The following PTX3 variants were observed in gnomAD, a reference collection of about 807,000 sequenced individuals.
The protein encoded by PTX3 is pentraxin 3.
Under a neutral mutation model 23.5 loss-of-function variants are expected in PTX3, and 24 were observed. The observed-to-expected ratio is 1.02, with a 90% CI of 0.74 to 1.43. PTX3 has a LOEUF of 1.43. Among genes scored for constraint, PTX3 ranks in the 40% most tolerant of loss-of-function variants. PTX3 has a pLI of 0.00. For synonymous variants in PTX3, 218 were observed against 205.4 expected (o/e 1.06, Z -0.53); for missense variants, 510 against 497.5 (o/e 1.02, Z -0.24).
At chr3:157,437,424 T>C in intron 1 of PTX3, 89 bp from the exon 2 acceptor site, 1 of 1,489,110 alleles carries the variant, frequency 6.7e-7, no homozygotes, top group South Asian at 1.2e-5. Flanking sequence ...GGGCTGCAAC[T>C]TGGCACCACC....
chr3:157,442,453 T>G lies in PTX3; in HGVS notation c.620T>G (p.Phe207Cys). ...GTGAGACCAATGAGGCTTGAGTCTT[T>G]TAGTGCCTGCATTTGGGTCAAAGCC... The part of the protein sequence containing the change: ...HPVRPMRLES[F>C]SACIWVKATD... The change falls in exon 3 of 3, where the codon TTT becomes TGT. Residue 207 changes from phenylalanine to cysteine, a missense_variant. Phe to Cys is a radical substitution (Grantham distance 205, BLOSUM62 -2). Transcript: ENST00000295927. 1 of 1,614,210 alleles carries G rather than the reference T, an allele frequency of 6.2e-7. No individual in the cohort carries two copies. The highest frequency in any genetic ancestry group is 8.5e-7 in the Non-Finnish European group (1 of 1,180,034).
rs1734254997 is a variant in PTX3 at position 157,442,937 on chromosome 3, C to T, written c.1104C>T (p.Val368=). 1 of 1,613,522 alleles carries T rather than the reference C, an allele frequency of 6.2e-7. No homozygotes were observed. Among genetic ancestry groups the T allele is most frequent in the Non-Finnish European group, 8.5e-7 (1 of 1,179,722 alleles). ...GGGGGAATATTGTTGGGTGGGGAGT[C>T]ACAGAGATCCAGCCACATGGAGGAG... ...HIRGNIVGWG[V]TEIQPHGGAQ... Residue 368 remains valine (V), a synonymous_variant, in exon 3 of 3, where the codon GTC becomes GTT. Coordinates refer to ENST00000295927, the MANE Select transcript of PTX3 (RefSeq NM_002852.4).
intron 2 of PTX3, 107 bp from the exon 3 acceptor site, chr3:157,442,259 T>C (rs2109238588): frequency 2.8e-6 from 3 of 1,064,240 alleles, no homozygotes; most frequent in Admixed American, 2.8e-5. Flanking sequence ...TTCACATAGC[T>C]TTCAATTGTA....
At chr3:157,440,657 T>TAA (rs1298586571) in intron 2 of PTX3, among the ~76,000 whole-genome samples, 1 of 152,052 alleles carries the variant, frequency 6.6e-6, no homozygotes, top group African/African-American at 2.4e-5. Flanking sequence ...CATATGTATA[T>TAA]ATGTGTGTAT....
intron 2 of PTX3, among the ~76,000 whole-genome samples, chr3:157,440,879 T>C (rs1734064918): frequency 6.6e-6 from 1 of 152,150 alleles, no homozygotes. Context: ...AGAAACATGT[T>C]CTCCAACCAG....
At position 157,437,029 on chromosome 3, in the gene PTX3, C is replaced by T. The variant is rs1195234969; in HGVS notation, c.96C>T (p.Asn32=). The change falls in exon 1 of 3, where the codon AAC becomes AAT. Residue 32 remains asparagine, a synonymous_variant. Transcript: ENST00000295927. ...ATCTCATGTATGTGAATTTGGACAA[C>T]GAAATAGACAATGGACTCCATCCCA... ...DYDLMYVNLD[N]EIDNGLHPTE... 5 of 1,614,024 alleles carry T rather than the reference C, an allele frequency of 3.1e-6. No homozygotes were observed. The South Asian group carries it at 5.5e-5, about 18-fold the overall frequency.
intron 2 of PTX3, among the ~76,000 whole-genome samples, chr3:157,438,954 G>A (rs1382021623): frequency 6.6e-6 from 1 of 152,178 alleles, no homozygotes; most frequent in African/African-American, 2.4e-5. Context: ...TTGCTGGATG[G>A]GGAGGGGGAA....
chr3:157,442,360 C>T lies in PTX3; in HGVS notation c.533-6C>T. 1 of 1,598,062 alleles carries T rather than the reference C, an allele frequency of 6.3e-7. No homozygotes were observed. Among genetic ancestry groups the T allele is most frequent in the East Asian group, 2.2e-5 (1 of 44,640 alleles). On this transcript the variant is annotated splice_region_variant and splice_polypyrimidine_tract_variant and intron_variant, in intron 2 of 2. Coordinates refer to ENST00000295927, the MANE Select transcript of PTX3 (RefSeq NM_002852.4). ...TAATATTCTTCTTATTTTCTTGCTA[C>T]TCTAGGTTGTGAAACAGCTATTTTA...
chr3:157,436,899 G>A lies in PTX3; in HGVS notation c.-35G>A, dbSNP rs1194391499. On this transcript the variant is annotated 5_prime_UTR_variant, in exon 1 of 3. Transcript: ENST00000295927. ...TCAGCTCACTTGAGAGTCTCCTCCC[G>A]CCAGCTGTGGAAAGAACTTTGCGTC... 46 of 1,604,830 alleles carry A rather than the reference G, an allele frequency of 2.9e-5. No homozygotes were observed. The highest frequency in any genetic ancestry group is 3.6e-5 in the Non-Finnish European group (42 of 1,174,342).
At chr3:157,440,155 C>A (rs1268264240) in intron 2 of PTX3, among the ~76,000 whole-genome samples, 1 of 152,102 alleles carries the variant, frequency 6.6e-6, no homozygotes, top group Non-Finnish European at 1.5e-5. Context: ...ATGTACCTAG[C>A]AATTTCATTT....
At chr3:157,438,813 T>A (rs1021022522) in intron 2 of PTX3, among the ~76,000 whole-genome samples, 6 of 152,234 alleles carry the variant, frequency 3.9e-5, no homozygotes, top group African/African-American at 1.4e-4. Context: ...CTCCTTTGTA[T>A]GCCAAAACTT....
At chr3:157,437,158 G>A (rs969114503) in intron 1 of PTX3, 95 bp downstream of exon 1, 17 of 1,494,872 alleles carry the variant, frequency 1.1e-5, no homozygotes, top group African/African-American at 1.4e-5. Flanking sequence ...AGTGAGACAA[G>A]TTAAAAATTT....
chr3:157,442,356 G>T lies in PTX3; in HGVS notation c.533-10G>T. 6.4e-7 allele frequency: 1 copy of T among 1,556,402 alleles called. No individual in the cohort carries two copies. On this transcript the variant is annotated splice_polypyrimidine_tract_variant and intron_variant, in intron 2 of 2. Transcript: ENST00000295927. ...TCTTTAATATTCTTCTTATTTTCTT[G>T]CTACTCTAGGTTGTGAAACAGCTAT... is the stretch of plus-strand genomic sequence containing the variant.
Position 157,443,288 on chromosome 3 carries a change from T to A in PTX3, c.*309T>A. On this transcript the variant is annotated 3_prime_UTR_variant, in exon 3 of 3. Transcript: ENST00000295927. Reference sequence around the variant, plus strand: ...GTATTGTTGAACAGAGGGACAATTGTTTTACTTTTCTTTGGTTAATTTTGT... The same window carrying A: ...GTATTGTTGAACAGAGGGACAATTGATTTACTTTTCTTTGGTTAATTTTGT... 4.0e-6 allele frequency: 1 copy of A among 248,016 alleles called. No individual in the cohort carries two copies. The highest frequency in any genetic ancestry group is 7.8e-6 in the Non-Finnish European group (1 of 129,014). 15.4% of individuals were successfully genotyped at this position (248,016 alleles called of 1,614,324 possible). A position where few individuals can be genotyped will look rare whatever the true frequency, so the allele number is the denominator to read the frequency against.
intron 1 of PTX3, 99 bp from the exon 2 acceptor site, chr3:157,437,414 G>A (rs1434247358): frequency 7.1e-7 from 1 of 1,410,768 alleles, no homozygotes; most frequent in East Asian, 2.5e-5. Flanking sequence ...TGCCAGGAAC[G>A]GGCTGCAACT....
intron 2 of PTX3, 123 bp downstream of exon 2, chr3:157,438,037 G>GCGCACACA (rs1553786688): frequency 1.5e-3 from 799 of 515,962 alleles, no homozygotes; most frequent in South Asian, 0.015. Context: ...GCGCGCGCGC[G>GCGCACACA]CACACACACA....
In PTX3 at chr3:157,442,237, G is replaced by A. The variant is rs369924164; in HGVS notation, c.533-129G>A. ...GATTACAGTGGAAGCTTCTTAAGTC[G>A]TAATGTAGGGTTTCACATAGCTTTC... On this transcript the variant is annotated intron_variant, in intron 2 of 2. Coordinates refer to ENST00000295927, the MANE Select transcript of PTX3 (RefSeq NM_002852.4). 49 of 861,564 alleles carry A rather than the reference G, an allele frequency of 5.7e-5. No individual in the cohort carries two copies. In the East Asian group the frequency reaches 7.6e-4, roughly 13 times the overall value. The allele number at this position is 861,564 out of a possible 1,614,324, so 53.4% of individuals were successfully genotyped here. A position where few individuals can be genotyped will look rare whatever the true frequency, so the allele number is the denominator to read the frequency against.
intron 2 of PTX3, 106 bp downstream of exon 2, chr3:157,438,020 A>C (rs1577657243): frequency 2.4e-6 from 2 of 836,442 alleles, no homozygotes; most frequent in Non-Finnish European, 3.4e-6. Context: ...TTTCATGGGA[A>C]GCGCGCGCGC....
chr3:157,439,198 G>A (rs1201162032), intron 2 of PTX3, among the ~76,000 whole-genome samples: 2 of 152,082 alleles, frequency 1.3e-5, no homozygotes, highest in Admixed American at 6.5e-5. Context: ...CTTGTGTTTC[G>A]CAAACCACGT....
Sources: allele counts gnomAD v4.1 joint callset (sites outside exome capture counted in the v4.1 genomes callset), GRCh38; gene constraint gnomAD v4.1.1; transcripts MANE v1.5; gene names NCBI Gene and HGNC (gene_info 2026-07-23, HGNC 2026-07-21).